The following SCHIP1 variants were observed in gnomAD, a reference collection of about 807,000 sequenced individuals.
SCHIP1 encodes schwannomin-interacting protein 1.
A neutral mutation model predicts 29.7 loss-of-function variants in SCHIP1; 8 were observed. That is an observed-to-expected ratio of 0.27 (90% CI 0.16 to 0.49). The LOEUF is 0.49. SCHIP1 is among the 20% of genes least tolerant of loss of function. The pLI is 0.99. For synonymous variants in SCHIP1, 76 were observed against 94.9 expected (o/e 0.80, Z 1.16); for missense variants, 193 against 294.6 (o/e 0.66, Z 2.52).
the SCHIP1 span, among the ~76,000 whole-genome samples, chr3:159,640,187 A>G: frequency 6.6e-6 from 1 of 152,186 alleles, no homozygotes; most frequent in African/African-American, 2.4e-5. Context: ...ACAATATAAC[A>G]GTAACAACAA....
the SCHIP1 span, among the ~76,000 whole-genome samples, chr3:159,383,116 G>A: frequency 0.027 from 4,107 of 149,634 alleles, 215 homozygotes; most frequent in African/African-American, 0.098. Context: ...GTTTAATTAG[G>A]TCCCATTTGT....
the SCHIP1 span, among the ~76,000 whole-genome samples, chr3:159,635,146 T>C: frequency 1.3e-5 from 2 of 152,210 alleles, no homozygotes; most frequent in Non-Finnish European, 2.9e-5. Flanking sequence ...TTGAAATCCA[T>C]CTGGAGGCTG....
chr3:159,395,253 A>T, the SCHIP1 span, among the ~76,000 whole-genome samples: 10 of 150,858 alleles, frequency 6.6e-5, 1 homozygote, highest in South Asian at 1.9e-3. Flanking sequence ...TATTTTGTTG[A>T]TCCTTTCAAA....
At chr3:159,396,554 G>A in the SCHIP1 span, among the ~76,000 whole-genome samples, 3 of 149,084 alleles carry the variant, frequency 2.0e-5, no homozygotes, top group South Asian at 6.5e-4. Context: ...TGTCTGTAAA[G>A]TATTTTATTT....
At chr3:159,745,428 A>T in the SCHIP1 span, among the ~76,000 whole-genome samples, 20 of 152,226 alleles carry the variant, frequency 1.3e-4, no homozygotes, top group African/African-American at 4.6e-4. Flanking sequence ...TTTACTAAAA[A>T]TTCCAGAGCC....
chr3:159,381,727 C>A, the SCHIP1 span, among the ~76,000 whole-genome samples: 263 of 152,234 alleles, frequency 1.7e-3, 3 homozygotes, highest in Non-Finnish European at 2.9e-3. Flanking sequence ...TCCCAAGCAG[C>A]TGGGACTATA....
chr3:159,734,787 C>CTTT, the SCHIP1 span, among the ~76,000 whole-genome samples: 76 of 110,484 alleles, frequency 6.9e-4, no homozygotes, highest in South Asian at 8.9e-4. Flanking sequence ...CTTTTCTTGT[C>CTTT]TTTTTTTTTT....
chr3:159,414,877 ATGC>A, the SCHIP1 span, among the ~76,000 whole-genome samples: 1 of 152,162 alleles, frequency 6.6e-6, no homozygotes, highest in African/African-American at 2.4e-5. Context: ...TGAGATTCTA[ATGC>A]TGCCACTGAT....
At chr3:159,858,537 C>T (rs1713667877) in intron 1 of SCHIP1, among the ~76,000 whole-genome samples, 1 of 152,160 alleles carries the variant, frequency 6.6e-6, no homozygotes, top group Non-Finnish European at 1.5e-5. Context: ...TATGTCACTT[C>T]CCTGTAGCAT....
chr3:159,379,096 G>A, the SCHIP1 span, among the ~76,000 whole-genome samples: 493 of 152,222 alleles, frequency 3.2e-3, 2 homozygotes, highest in Non-Finnish European at 4.7e-3. Context: ...CAAAACCTTA[G>A]GATGTTCTTT....
chr3:159,498,408 G>A, the SCHIP1 span, among the ~76,000 whole-genome samples: 26 of 152,284 alleles, frequency 1.7e-4, no homozygotes, highest in Non-Finnish European at 3.7e-4. Flanking sequence ...AAAAGAAAAG[G>A]TTAGGCAGAT....
the SCHIP1 span, among the ~76,000 whole-genome samples, chr3:159,464,466 T>C: frequency 1.3e-5 from 2 of 152,222 alleles, no homozygotes; most frequent in Admixed American, 1.3e-4. Flanking sequence ...TTTGGTCCTC[T>C]GACTTCTTAG....
At chr3:159,895,266 C>T (rs972938983) in intron 6 of SCHIP1, among the ~76,000 whole-genome samples, 44 of 152,242 alleles carry the variant, frequency 2.9e-4, no homozygotes, top group African/African-American at 9.4e-4. Flanking sequence ...TATTTATGGG[C>T]TGCTGAGTGT....
the SCHIP1 span, among the ~76,000 whole-genome samples, chr3:159,325,055 G>A: frequency 6.6e-6 from 1 of 151,930 alleles, no homozygotes; most frequent in Non-Finnish European, 1.5e-5. Context: ...ACTAATTAAG[G>A]TCCTATTGAG....
At chr3:159,561,589 C>G in the SCHIP1 span, among the ~76,000 whole-genome samples, 11 of 151,900 alleles carry the variant, frequency 7.2e-5, no homozygotes, top group Non-Finnish European at 1.3e-4. Flanking sequence ...TGTTGTAAAA[C>G]ACACCAGGGT....
the SCHIP1 span, among the ~76,000 whole-genome samples, chr3:159,656,655 T>C: frequency 6.6e-6 from 1 of 152,196 alleles, no homozygotes; most frequent in Non-Finnish European, 1.5e-5. Flanking sequence ...CCTTATATGG[T>C]TTCCATGAGA....
chr3:159,443,412 C>A, the SCHIP1 span, among the ~76,000 whole-genome samples: 1 of 152,096 alleles, frequency 6.6e-6, no homozygotes. Flanking sequence ...TGGAGCCAAT[C>A]ACTTTTCTCA....
chr3:159,374,857 A>G, the SCHIP1 span, among the ~76,000 whole-genome samples: 2 of 152,218 alleles, frequency 1.3e-5, no homozygotes, highest in Admixed American at 1.3e-4. Context: ...ATGTGGCTAT[A>G]GAGCACTTCA....
At chr3:159,582,537 C>A in the SCHIP1 span, among the ~76,000 whole-genome samples, 1 of 151,970 alleles carries the variant, frequency 6.6e-6, no homozygotes, top group South Asian at 2.1e-4. Flanking sequence ...TTTTGCCAGG[C>A]AGCCTGAGTA....
Sources: allele counts gnomAD v4.1 joint callset (sites outside exome capture counted in the v4.1 genomes callset), GRCh38; gene constraint gnomAD v4.1.1; transcripts MANE v1.5; gene names NCBI Gene and HGNC (gene_info 2026-07-23, HGNC 2026-07-21).